The following USP47 variants were observed in gnomAD, a reference collection of about 807,000 sequenced individuals.
The protein encoded by USP47 is ubiquitin specific peptidase 47.
A neutral mutation model predicts 165.1 loss-of-function variants in USP47; 35 were observed. That is an observed-to-expected ratio of 0.21 (90% CI 0.16 to 0.28). The LOEUF is 0.28. Among genes scored for constraint, USP47 ranks in the 10% least tolerant of loss-of-function variants. The pLI is 1.00. For synonymous variants in USP47, 531 were observed against 544.5 expected (o/e 0.98, Z 0.35); for missense variants, 1,277 against 1,607.4 (o/e 0.79, Z 3.52).
At chr11:11,939,738 AAT>A (rs751626329) in intron 18 of USP47, among the ~76,000 whole-genome samples, 7 of 152,040 alleles carry the variant, frequency 4.6e-5, no homozygotes, top group African/African-American at 9.7e-5. Context: ...TACTGAGAAA[AAT>A]ATGTCTATAG....
chr11:11,919,285 G>C (rs1161272931), intron 8 of USP47, among the ~76,000 whole-genome samples: 1 of 151,878 alleles, frequency 6.6e-6, no homozygotes, highest in Non-Finnish European at 1.5e-5. Flanking sequence ...TGAAGATACT[G>C]TCTTAATGAT....
Position 11,935,940 on chromosome 11 carries a change from G to T in USP47, c.1870-363G>T, listed in dbSNP as rs535627373. On this transcript the variant is annotated intron_variant, in intron 16 of 27. Coordinates refer to ENST00000527733, the MANE Select transcript of USP47 (RefSeq NM_001282659.2). The stretch of plus-strand genomic sequence containing the variant: ...AAGAAAACAAAAGGTGCATATTCTA[G>T]TTGGCTGTTTGGTTGTTTTCCTCTG... Among the ~76,000 whole-genome samples, 119 of 151,994 alleles carry T rather than the reference G, an allele frequency of 7.8e-4. 1 individual carries two copies. The highest frequency in any genetic ancestry group is 2.7e-3 in the African/African-American group (114 of 41,518).
chr11:11,874,137 A>G (rs1219692908), intron 1 of USP47, among the ~76,000 whole-genome samples: 1 of 152,182 alleles, frequency 6.6e-6, no homozygotes, highest in Non-Finnish European at 1.5e-5. Context: ...TTCCAGATAT[A>G]TTTATTTTCT....
intron 2 of USP47, 123 bp downstream of exon 2, chr11:11,880,503 GAGC>G (rs1251156516): frequency 4.5e-6 from 3 of 670,944 alleles, no homozygotes; most frequent in Non-Finnish European, 6.4e-6. Flanking sequence ...ACTACAGTAA[GAGC>G]CTATGTGCAG....
At chr11:11,847,227 A>G (rs917121602) in intron 1 of USP47, among the ~76,000 whole-genome samples, 2 of 152,066 alleles carry the variant, frequency 1.3e-5, no homozygotes, top group Admixed American at 1.3e-4. Context: ...CATTATTTTC[A>G]AAAACAGAAA....
rs543908901 is a variant in USP47 at position 11,866,723 on chromosome 11, T to C, written c.40-13454T>C. ...GTTTTTGCATTCCTGATAGATATTT[T>C]TGCTGTTTATAGCATTCTGGGATAA... On this transcript the variant is annotated intron_variant, in intron 1 of 27. Transcript: ENST00000527733. Among the ~76,000 whole-genome samples, 105 of 152,276 alleles carry C rather than the reference T, an allele frequency of 6.9e-4. 2 individuals carry two copies. In the Middle Eastern group the frequency reaches 0.014, roughly 20 times the overall value.
At chr11:11,889,817 T>C (rs1157385842) in intron 3 of USP47, among the ~76,000 whole-genome samples, 1 of 152,176 alleles carries the variant, frequency 6.6e-6, no homozygotes, top group Non-Finnish European at 1.5e-5. Flanking sequence ...ACTGCAAGGC[T>C]ACAGTAATCA....
intron 1 of USP47, among the ~76,000 whole-genome samples, chr11:11,877,319 C>T (rs1169431098): frequency 1.3e-5 from 2 of 152,084 alleles, no homozygotes; most frequent in Non-Finnish European, 2.9e-5. Flanking sequence ...ATGAAGTCCA[C>T]ATGTTATATT....
intron 1 of USP47, among the ~76,000 whole-genome samples, chr11:11,849,447 T>C (rs1370720825): frequency 6.6e-6 from 1 of 152,142 alleles, no homozygotes; most frequent in Admixed American, 6.5e-5. Context: ...CTGCCAAATA[T>C]TCTTCTGCAC....
chr11:11,892,380 C>CTTT lies in USP47; in HGVS notation c.496+291_496+293dup, dbSNP rs1300802562. On this transcript the variant is annotated intron_variant, in intron 4 of 27. Coordinates refer to ENST00000527733, the MANE Select transcript of USP47 (RefSeq NM_001282659.2). ...AGACTTTTCTTTTCTTTTTAATTTT[C>CTTT]TTTTTTTTTTTTTTTTTTTGAGACA... 4.0e-4 allele frequency among the ~76,000 whole-genome samples: 49 copies of CTTT among 121,132 alleles called. 13 individuals are homozygous for CTTT. Among genetic ancestry groups the CTTT allele is most frequent in the African/African-American group, 4.8e-4 (15 of 31,564 alleles). 79.5% of individuals were successfully genotyped at this position (121,132 alleles called of 152,430 possible).
chr11:11,868,733 T>C (rs1849841915), intron 1 of USP47, among the ~76,000 whole-genome samples: 2 of 152,050 alleles, frequency 1.3e-5, no homozygotes, highest in African/African-American at 4.8e-5. Context: ...AGAATAGCTG[T>C]ACCATTTTAC....
intron 1 of USP47, among the ~76,000 whole-genome samples, chr11:11,877,848 TGTGTGTGTGTGCGCGCGC>T (rs1242636780): frequency 1.2e-4 from 10 of 84,422 alleles, no homozygotes; most frequent in African/African-American, 5.0e-4. Flanking sequence ...TGTGTGTGTG[TGTGTGTGTGTGCGCGCGC>T]GCAGATAAGA....
At chr11:11,842,492 C>T (rs1288846050) in intron 1 of USP47, among the ~76,000 whole-genome samples, 2 of 152,190 alleles carry the variant, frequency 1.3e-5, no homozygotes, top group Non-Finnish European at 2.9e-5. Context: ...AGGTTCTGCT[C>T]TAGGGGAGAA....
chr11:11,940,345 AGCAGT>A, intron 18 of USP47, 79 bp from the exon 19 acceptor site: 1 of 1,381,542 alleles, frequency 7.2e-7, no homozygotes, highest in Admixed American at 2.2e-5. Context: ...AGAAGAACTC[AGCAGT>A]GTCTTGCTTT....
At chr11:11,920,921 A>G (rs550753180) in intron 10 of USP47, among the ~76,000 whole-genome samples, 2 of 151,640 alleles carry the variant, frequency 1.3e-5, no homozygotes, top group African/African-American at 4.8e-5. Context: ...GCATGGGCTT[A>G]ATTTCTTGTA....
rs1258264052 is a variant in USP47, at chr11:11,929,501, A to G, written c.1454A>G (p.Tyr485Cys). ...HSGSAAGGHYYACIKSFSDEQ... is the reference protein window; with the variant it reads ...HSGSAAGGHYCACIKSFSDEQ... ...GGGAGCGCTGCTGGTGGTCATTATT[A>G]TGCATGTATAAAGTCATTCAGTGAT... The change falls in exon 12 of 28, where the codon TAT (tyrosine) becomes TGT (cysteine). Residue 485 changes from tyrosine to cysteine, a missense_variant. Physicochemically the swap from Tyr to Cys is radical, Grantham distance 194. Around this residue, in one of 4 missense-constraint regions of USP47, gnomAD observed 909 missense variants for 1,068.1 expected, o/e 0.85. Coordinates refer to ENST00000527733, the MANE Select transcript of USP47 (RefSeq NM_001282659.2). 2 of 1,613,378 alleles carry G rather than the reference A, an allele frequency of 1.2e-6. No individual in the cohort carries two copies. The highest frequency in any genetic ancestry group is 1.7e-6 in the Non-Finnish European group (2 of 1,179,454).
At chr11:11,891,500 G>T (rs367991710) in intron 3 of USP47, among the ~76,000 whole-genome samples, 2 of 152,158 alleles carry the variant, frequency 1.3e-5, no homozygotes, top group Admixed American at 1.3e-4. Flanking sequence ...TTAATTTAGG[G>T]AACTCTGGAT....
chr11:11,904,772 G>A (rs1436800545), intron 7 of USP47, among the ~76,000 whole-genome samples: 1 of 152,086 alleles, frequency 6.6e-6, no homozygotes. Flanking sequence ...AGGATATTTT[G>A]AGAGAGGTGG....
In USP47 at chr11:11,954,958, A is replaced by T. The variant is rs961214362; in HGVS notation, c.3762+14A>T. The stretch of plus-strand genomic sequence containing the variant: ...GAATTTGCTAAGGTAAAGCCCTGAG[A>T]ATGTTGCATCTGTGTATTGTGCATG... On this transcript the variant is annotated intron_variant, in intron 26 of 27. Transcript: ENST00000527733. 2 of 1,613,886 alleles carry T rather than the reference A, an allele frequency of 1.2e-6. No individual in the cohort carries two copies. Among genetic ancestry groups the T allele is most frequent in the Admixed American group, 3.3e-5 (2 of 60,010 alleles).
Sources: allele counts gnomAD v4.1 joint callset (sites outside exome capture counted in the v4.1 genomes callset), GRCh38; gene constraint gnomAD v4.1.1; regional missense constraint gnomAD v4.1.1; transcripts MANE v1.5; gene names NCBI Gene and HGNC (gene_info 2026-07-23, HGNC 2026-07-21).